Variants in LRRC7 observed in about 807,000 individuals in gnomAD.
LRRC7 encodes leucine-rich repeat-containing protein 7.
In LRRC7, 23 loss-of-function variants were observed where a neutral mutation model predicts 175.7. The ratio of observed to expected loss-of-function variants is 0.13; its 90% CI spans 0.09 to 0.19. The LOEUF is 0.19. Ranked by LOEUF, LRRC7 falls within the 10% of genes least tolerant of loss-of-function variation. LRRC7 has a pLI of 1.00. For synonymous variants in LRRC7, 685 were observed against 680.9 expected, an observed-to-expected ratio of 1.01 and a Z score of -0.09; for missense variants, 1,354 against 1,904.7, an observed-to-expected ratio of 0.71 and a Z score of 5.38.
At chr1:69,582,586 A>C (rs6664878) in intron 1 of LRRC7, among the ~76,000 whole-genome samples, 12,782 of 152,296 alleles carry the variant, frequency 0.084, 633 homozygotes, top group Middle Eastern at 0.11. Context: ...GCAAGGGAAC[A>C]AATGGTTAAG....
intron 1 of LRRC7, among the ~76,000 whole-genome samples, chr1:69,660,663 TGTA>T (rs1466730504): frequency 2.0e-5 from 3 of 152,066 alleles, no homozygotes; most frequent in Non-Finnish European, 4.4e-5. Context: ...ACATTGCTAG[TGTA>T]AAGGCCTAAG....
At chr1:69,909,665 TG>T (rs983879136) in intron 7 of LRRC7, among the ~76,000 whole-genome samples, 1 of 152,172 alleles carries the variant, frequency 6.6e-6, no homozygotes, top group Non-Finnish European at 1.5e-5. Context: ...GGCTTCCCTT[TG>T]AGGGTAACCC....
intron 7 of LRRC7, among the ~76,000 whole-genome samples, chr1:69,901,427 CCTT>C (rs1431579863): frequency 6.7e-6 from 1 of 148,966 alleles, no homozygotes; most frequent in Non-Finnish European, 1.5e-5. Flanking sequence ...AGTTATTTCT[CCTT>C]GTTTCATTTG....
At chr1:70,037,759 G>A (rs1338666600) in intron 20 of LRRC7, among the ~76,000 whole-genome samples, 1 of 152,114 alleles carries the variant, frequency 6.6e-6, no homozygotes, top group Non-Finnish European at 1.5e-5. Context: ...CAACAAATGT[G>A]TATTTAATAC....
chr1:69,855,948 C>T (rs1352511019), intron 7 of LRRC7, among the ~76,000 whole-genome samples: 1 of 152,068 alleles, frequency 6.6e-6, no homozygotes, highest in South Asian at 2.1e-4. Context: ...AGGATTGCAA[C>T]CCCTGCCTTT....
At chr1:69,695,001 G>A (rs112626663) in intron 2 of LRRC7, among the ~76,000 whole-genome samples, 9 of 152,130 alleles carry the variant, frequency 5.9e-5, no homozygotes, top group Non-Finnish European at 1.2e-4. Context: ...ATAAATATAC[G>A]TTCGGAACTG....
intron 1 of LRRC7, among the ~76,000 whole-genome samples, chr1:69,600,937 G>A (rs1647043445): frequency 7.0e-6 from 1 of 143,564 alleles, no homozygotes; most frequent in African/African-American, 2.5e-5. Flanking sequence ...TCAACCTCCT[G>A]AGTAGCTGGA....
intron 3 of LRRC7, among the ~76,000 whole-genome samples, chr1:69,768,456 C>T (rs1671865014): frequency 6.6e-6 from 1 of 152,194 alleles, no homozygotes; most frequent in Non-Finnish European, 1.5e-5. Flanking sequence ...ATCACCACCA[C>T]TTATTCAGCC....
chr1:69,948,644 C>G (rs1649591876), intron 8 of LRRC7, among the ~76,000 whole-genome samples: 1 of 152,126 alleles, frequency 6.6e-6, no homozygotes, highest in Non-Finnish European at 1.5e-5. Flanking sequence ...ATAGCTTCCT[C>G]TGCACGACTG....
chr1:69,690,819 G>T (rs1661765047), intron 2 of LRRC7, among the ~76,000 whole-genome samples: 1 of 152,152 alleles, frequency 6.6e-6, no homozygotes. Flanking sequence ...CTTTTTAAGG[G>T]AATCATAGAG....
chr1:69,894,024 G>A (rs1394071846), intron 7 of LRRC7, among the ~76,000 whole-genome samples: 2 of 152,086 alleles, frequency 1.3e-5, no homozygotes, highest in Non-Finnish European at 2.9e-5. Context: ...TTCAAGAGTG[G>A]TTTTATATTC....
chr1:69,717,047 A>G (rs534356187), intron 2 of LRRC7, among the ~76,000 whole-genome samples: 12 of 151,000 alleles, frequency 7.9e-5, no homozygotes, highest in African/African-American at 1.2e-4. Flanking sequence ...CTGATTTTAC[A>G]TATATATCTA....
chr1:69,808,200 A>T (rs927194688), intron 4 of LRRC7, among the ~76,000 whole-genome samples: 8 of 151,754 alleles, frequency 5.3e-5, no homozygotes, highest in African/African-American at 1.9e-4. Context: ...CAATGCATCT[A>T]ACCTTTTTTC....
At chr1:69,916,008 C>T (rs1000263519) in intron 7 of LRRC7, among the ~76,000 whole-genome samples, 3 of 135,620 alleles carry the variant, frequency 2.2e-5, no homozygotes, top group South Asian at 2.2e-4. Flanking sequence ...GTCCAGGGTC[C>T]GTGGTCTTAG....
At chr1:69,946,871 A>T (rs1236067383) in intron 8 of LRRC7, among the ~76,000 whole-genome samples, 1 of 151,954 alleles carries the variant, frequency 6.6e-6, no homozygotes, top group East Asian at 1.9e-4. Context: ...TGAGGTTGGG[A>T]GTTCAAGACC....
chr1:69,793,156 G>T (rs1221916435), intron 4 of LRRC7, among the ~76,000 whole-genome samples: 3 of 152,056 alleles, frequency 2.0e-5, no homozygotes, highest in Non-Finnish European at 2.9e-5. Flanking sequence ...TGAAGTTTAC[G>T]TTCAAGTGGG....
intron 1 of LRRC7, among the ~76,000 whole-genome samples, chr1:69,580,251 T>A (rs1557429305): frequency 6.6e-6 from 1 of 152,280 alleles, no homozygotes; most frequent in East Asian, 1.9e-4. Flanking sequence ...CAGTTTATAG[T>A]GTCACAACTA....
At chr1:69,935,452 C>G (rs1025373319) in intron 8 of LRRC7, among the ~76,000 whole-genome samples, 3 of 152,044 alleles carry the variant, frequency 2.0e-5, no homozygotes, top group African/African-American at 7.2e-5. Context: ...TTATCAAATT[C>G]GAAATCTAGA....
In LRRC7 at chr1:70,011,846, C is replaced by G; in HGVS notation, c.1054C>G (p.Leu352Val). The G allele has an allele frequency of 6.3e-7, 1 of 1,579,510 alleles. No homozygotes were observed. The highest frequency in any genetic ancestry group is 8.7e-7 in the Non-Finnish European group (1 of 1,149,140). The stretch of plus-strand genomic sequence containing the variant: ...CTGTAGCTGTAATGAACTGGAGTCA[C>G]TACCTTCTACTATTGGCTACCTTCA... ...FDCSCNELES[L>V]PSTIGYLHSL... The change falls in exon 12 of 27, where the codon CTA becomes GTA. Residue 352 changes from leucine to valine, a missense_variant. Leu to Val is a conservative substitution (Grantham distance 32). Around this residue, in one of 4 missense-constraint regions of LRRC7, gnomAD observed 201 missense variants for 481.4 expected, o/e 0.42. Transcript: ENST00000651989.
Sources: gnomAD v4.1 joint callset for allele counts (sites outside exome capture counted in the v4.1 genomes callset) on GRCh38, gnomAD v4.1.1 for gene constraint, gnomAD v4.1.1 regional missense constraint, MANE v1.5 for transcripts, NCBI Gene and HGNC (gene_info 2026-07-23, HGNC 2026-07-21) for gene names.